CHRM3: variants seen among roughly 807,000 people sequenced by gnomAD.
CHRM3 encodes the protein cholinergic receptor muscarinic 3.
Under a neutral mutation model 41.8 loss-of-function variants are expected in CHRM3, and 11 were observed. The observed-to-expected ratio is 0.26, with a 90% CI of 0.17 to 0.44. CHRM3 has a LOEUF of 0.44. Ranked by LOEUF, CHRM3 falls within the 20% of genes least tolerant of loss-of-function variation. The pLI, the probability that CHRM3 is intolerant of heterozygous loss-of-function variation, is 1.00. For missense variants in CHRM3, 571 were observed against 745.4 expected, an observed-to-expected ratio of 0.77 and a Z score of 2.72; for synonymous variants, 297 against 301.4, an observed-to-expected ratio of 0.99 and a Z score of 0.15.
chr1:239,417,585 T>TG (rs1305523446), intron 1 of CHRM3, among the ~76,000 whole-genome samples: 1 of 151,362 alleles, frequency 6.6e-6, no homozygotes, highest in East Asian at 1.9e-4. Context: ...ATTTGTTTTT[T>TG]TTTTTTTTTT....
At position 239,899,371 on chromosome 1, in the gene CHRM3, A is replaced by G. The variant is rs150823968; in HGVS notation, c.-19-8062A>G. 6.7e-3 allele frequency among the ~76,000 whole-genome samples: 1,006 copies of G among 150,922 alleles called. 14 individuals carry two copies. The highest frequency in any genetic ancestry group is 0.023 in the African/African-American group (937 of 40,900). On this transcript the variant is annotated intron_variant, in intron 6 of 6. Transcript: ENST00000676153. ...TGTGTGTATATATACATAAATACAT[A>G]TATACATATATAAACACATATACAT...
At chr1:239,806,884 CTG>C (rs1670697316) in intron 5 of CHRM3, among the ~76,000 whole-genome samples, 1 of 152,176 alleles carries the variant, frequency 6.6e-6, no homozygotes, top group African/African-American at 2.4e-5. Flanking sequence ...AATTAATAAA[CTG>C]TTCACAGAAG....
intron 1 of CHRM3, among the ~76,000 whole-genome samples, chr1:239,431,359 G>A (rs1016332151): frequency 2.6e-5 from 4 of 152,024 alleles, no homozygotes; most frequent in Non-Finnish European, 5.9e-5. Context: ...GATTTTTAAA[G>A]GCTATAAAAT....
chr1:239,581,303 A>G (rs776005578), intron 3 of CHRM3, among the ~76,000 whole-genome samples: 119 of 152,238 alleles, frequency 7.8e-4, no homozygotes, highest in Non-Finnish European at 1.5e-3. Flanking sequence ...AAGAGAATAG[A>G]TATTGCTCTC....
chr1:239,753,244 GA>G (rs1665976947), intron 5 of CHRM3, among the ~76,000 whole-genome samples: 1 of 152,128 alleles, frequency 6.6e-6, no homozygotes, highest in Non-Finnish European at 1.5e-5. Flanking sequence ...ATGTTGTTCA[GA>G]AGGGTACAAC....
At chr1:239,766,962 T>G (rs1667280104) in intron 5 of CHRM3, among the ~76,000 whole-genome samples, 1 of 152,194 alleles carries the variant, frequency 6.6e-6, no homozygotes, top group Non-Finnish European at 1.5e-5. Context: ...TCCACCCGCC[T>G]CAGCCTCCCA....
chr1:239,706,673 TACACACACGGAGGCATGCACCC>T (rs1661207731), intron 5 of CHRM3, among the ~76,000 whole-genome samples: 1 of 145,020 alleles, frequency 6.9e-6, no homozygotes, highest in African/African-American at 2.7e-5. Context: ...CACTTGCATG[TACACACACGGAGGCATGCACCC>T]ACACACACGT....
intron 5 of CHRM3, among the ~76,000 whole-genome samples, chr1:239,745,937 T>G (rs1665317517): frequency 6.6e-6 from 1 of 152,186 alleles, no homozygotes; most frequent in Non-Finnish European, 1.5e-5. Flanking sequence ...GTGAGTGCAT[T>G]GTAAATATTC....
At chr1:239,761,811 A>G (rs80137238) in intron 5 of CHRM3, among the ~76,000 whole-genome samples, 2,737 of 152,218 alleles carry the variant, frequency 0.018, 83 homozygotes, top group African/African-American at 0.062. Context: ...GATCAGTTGC[A>G]CCGGACAGAT....
chr1:239,504,186 T>C (rs1266732347), intron 2 of CHRM3, among the ~76,000 whole-genome samples: 2 of 151,834 alleles, frequency 1.3e-5, no homozygotes, highest in East Asian at 1.9e-4. Context: ...ATCCAGAATC[T>C]ACAACAAACT....
At chr1:239,590,006 T>A (rs1268499532) in intron 3 of CHRM3, among the ~76,000 whole-genome samples, 2 of 152,130 alleles carry the variant, frequency 1.3e-5, no homozygotes, top group Admixed American at 1.3e-4. Flanking sequence ...AAAATCTTCC[T>A]TTATTTATAT....
At chr1:239,804,780 T>G (rs180940347) in intron 5 of CHRM3, among the ~76,000 whole-genome samples, 9 of 152,304 alleles carry the variant, frequency 5.9e-5, no homozygotes, top group African/African-American at 2.2e-4. Context: ...CTTCAAAATC[T>G]TCCCTCGCCT....
chr1:239,611,705 C>T (rs1436536483), intron 3 of CHRM3, among the ~76,000 whole-genome samples: 2 of 152,120 alleles, frequency 1.3e-5, no homozygotes, highest in Non-Finnish European at 2.9e-5. Flanking sequence ...AGGCATGAGC[C>T]ACCGCACCCA....
chr1:239,539,518 T>A (rs561569180), intron 2 of CHRM3, among the ~76,000 whole-genome samples: 2 of 76,996 alleles, frequency 2.6e-5, no homozygotes, highest in Non-Finnish European at 4.7e-5. Context: ...CTAAAATTTC[T>A]CTTTCTTTCT....
chr1:239,870,873 C>T (rs1484484200), intron 6 of CHRM3, among the ~76,000 whole-genome samples: 1 of 152,088 alleles, frequency 6.6e-6, no homozygotes, highest in Admixed American at 6.5e-5. Flanking sequence ...CATTAGTTTT[C>T]GCCTAAGGCA....
intron 5 of CHRM3, among the ~76,000 whole-genome samples, chr1:239,798,976 G>A (rs1410405692): frequency 1.3e-5 from 2 of 152,172 alleles, no homozygotes; most frequent in Non-Finnish European, 2.9e-5. Flanking sequence ...AGTGTCTAAA[G>A]ATGAAAGTGT....
At chr1:239,565,533 C>T (rs534619650) in intron 3 of CHRM3, among the ~76,000 whole-genome samples, 21 of 152,092 alleles carry the variant, frequency 1.4e-4, no homozygotes, top group South Asian at 8.3e-4. Flanking sequence ...GCTAATTAAA[C>T]GTAGGAATTA....
At chr1:239,840,378 C>T (rs991699384) in intron 6 of CHRM3, among the ~76,000 whole-genome samples, 4 of 152,200 alleles carry the variant, frequency 2.6e-5, no homozygotes, top group Non-Finnish European at 4.4e-5. Context: ...ATACTTCACA[C>T]GGCATTGATT....
intron 1 of CHRM3, among the ~76,000 whole-genome samples, chr1:239,424,170 C>T (rs1662184642): frequency 6.6e-6 from 1 of 151,496 alleles, no homozygotes; most frequent in African/African-American, 2.4e-5. Flanking sequence ...CCATAGATTT[C>T]GGCCACACAT....
Sources: gnomAD v4.1 joint callset for allele counts (sites outside exome capture counted in the v4.1 genomes callset) on GRCh38, gnomAD v4.1.1 for gene constraint, MANE v1.5 for transcripts, NCBI Gene and HGNC (gene_info 2026-07-23, HGNC 2026-07-21) for gene names.